The following ANKRD30B variants were observed in gnomAD, a reference collection of about 807,000 sequenced individuals.
ANKRD30B encodes the protein ankyrin repeat domain 30B.
Under a neutral mutation model 202.2 loss-of-function variants are expected in ANKRD30B, and 144 were observed. The ratio of observed to expected loss-of-function variants is 0.71; its 90% CI spans 0.62 to 0.82. ANKRD30B has a LOEUF of 0.82. Ranked by LOEUF, ANKRD30B falls within the 40% of genes least tolerant of loss-of-function variation. The probability of loss-of-function intolerance (pLI) is 0.00; values close to 1 mark genes in which losing one functional copy is unlikely to be tolerated. For missense variants in ANKRD30B, 1,487 were observed against 1,669.1 expected (o/e 0.89, Z 1.90); for synonymous variants, 508 against 561.3 (o/e 0.91, Z 1.34).
At chr18:14,899,725 A>G in the ANKRD30B span, among the ~76,000 whole-genome samples, 1 of 152,174 alleles carries the variant, frequency 6.6e-6, no homozygotes, top group Non-Finnish European at 1.5e-5. Flanking sequence ...ATTATCTAAA[A>G]GTTAACTGTA....
chr18:14,936,546 G>A, the ANKRD30B span, among the ~76,000 whole-genome samples: 1 of 152,068 alleles, frequency 6.6e-6, no homozygotes, highest in East Asian at 1.9e-4. Context: ...GGGTAGGGAG[G>A]GATGTGAAAC....
chr18:14,913,636 C>T, the ANKRD30B span, among the ~76,000 whole-genome samples: 1 of 152,168 alleles, frequency 6.6e-6, no homozygotes, highest in Non-Finnish European at 1.5e-5. Context: ...TACATATACA[C>T]ACCTTCCCAA....
intron 30 of ANKRD30B, among the ~76,000 whole-genome samples, chr18:14,815,549 G>C (rs183753958): frequency 1.9e-3 from 295 of 152,168 alleles, no homozygotes; most frequent in African/African-American, 6.8e-3. Flanking sequence ...TTTCATGGGA[G>C]AAATGTGGAA....
intron 7 of ANKRD30B, among the ~76,000 whole-genome samples, chr18:14,766,560 C>G (rs1258643021): frequency 1.3e-5 from 2 of 148,770 alleles, no homozygotes; most frequent in Non-Finnish European, 3.0e-5. Flanking sequence ...AGTCATGGGA[C>G]AGACCAACCA....
At chr18:14,934,888 A>G in the ANKRD30B span, among the ~76,000 whole-genome samples, 1 of 148,028 alleles carries the variant, frequency 6.8e-6, no homozygotes. Context: ...CAGGTAGCCC[A>G]GCACATCCTC....
At chr18:14,856,376 C>T (rs1972107158), downstream of ANKRD30B, among the ~76,000 whole-genome samples, 1 of 137,974 alleles carries the variant, frequency 7.2e-6, no homozygotes, top group African/African-American at 2.6e-5. Flanking sequence ...TCCTCACCTC[C>T]CAGATGGGGA....
At chr18:14,791,676 T>C (rs1303503524) in intron 16 of ANKRD30B, among the ~76,000 whole-genome samples, 185 bp downstream of exon 16, 1 of 152,082 alleles carries the variant, frequency 6.6e-6, no homozygotes, top group African/African-American at 2.4e-5. Flanking sequence ...TTGAGAGTGC[T>C]GAAAAGGAAC....
At chr18:14,784,657 C>T in intron 14 of ANKRD30B, 122 bp downstream of exon 14, 2 of 1,076,054 alleles carry the variant, frequency 1.9e-6, no homozygotes, top group Non-Finnish European at 2.6e-6. Flanking sequence ...CTAGATAATG[C>T]CAATACTGGT....
Position 14,833,051 on chromosome 18 carries a change from G to A in ANKRD30B, c.2847+1596G>A, listed in dbSNP as rs187666081. On this transcript the variant is annotated intron_variant, in intron 34 of 43. Coordinates refer to ENST00000690538, the MANE Select transcript of ANKRD30B (RefSeq NM_001367607.2). ...TTCTTGGTTCAAGTAATTCTCCTGC[G>A]TCAGCCTCCTGTGTAGCTGGGACAG... Among the ~76,000 whole-genome samples, 753 of 151,142 alleles carry A rather than the reference G, an allele frequency of 5.0e-3. 7 individuals carry two copies. The highest frequency in any genetic ancestry group is 0.024 in the Middle Eastern group (7 of 294).
chr18:14,871,578 G>T, the ANKRD30B span, among the ~76,000 whole-genome samples: 1 of 151,948 alleles, frequency 6.6e-6, no homozygotes, highest in South Asian at 2.1e-4. Flanking sequence ...CAGATGCTGA[G>T]ATGGGGTTAG....
At chr18:14,939,250 A>G in the ANKRD30B span, among the ~76,000 whole-genome samples, 1 of 152,036 alleles carries the variant, frequency 6.6e-6, no homozygotes, top group South Asian at 2.1e-4. Context: ...CATCATCCCC[A>G]CCAGTCCTTT....
chr18:14,824,550 G>T (rs530289962), intron 32 of ANKRD30B, among the ~76,000 whole-genome samples: 1 of 151,982 alleles, frequency 6.6e-6, no homozygotes, highest in African/African-American at 2.4e-5. Context: ...TTAGAATAAT[G>T]ATTTCTCATT....
the ANKRD30B span, among the ~76,000 whole-genome samples, chr18:14,870,154 T>A: frequency 2.0e-5 from 3 of 152,230 alleles, no homozygotes; most frequent in East Asian, 5.8e-4. Context: ...TTAGATACAG[T>A]GTCTTCCTCT....
intron 22 of ANKRD30B, among the ~76,000 whole-genome samples, chr18:14,799,535 T>C (rs1343876466): frequency 5.9e-5 from 9 of 152,132 alleles, no homozygotes; most frequent in Non-Finnish European, 1.0e-4. Context: ...CCCGATAGTA[T>C]AAAGTTTCCA....
intron 34 of ANKRD30B, among the ~76,000 whole-genome samples, chr18:14,832,243 T>G (rs1970983894): frequency 6.6e-6 from 1 of 152,194 alleles, no homozygotes; most frequent in African/African-American, 2.4e-5. Flanking sequence ...ATTCTCTTTC[T>G]CAGAATCTGT....
intron 30 of ANKRD30B, among the ~76,000 whole-genome samples, chr18:14,821,396 C>T (rs1177085828): frequency 3.9e-5 from 6 of 151,924 alleles, no homozygotes; most frequent in Non-Finnish European, 5.9e-5. Flanking sequence ...TATTTCTTGC[C>T]TTCTACTAGC....
At chr18:14,894,142 G>A in the ANKRD30B span, among the ~76,000 whole-genome samples, 1 of 151,946 alleles carries the variant, frequency 6.6e-6, no homozygotes. Flanking sequence ...ATTGTTTATC[G>A]TCTGGTTCAA....
At chr18:14,917,900 G>C in the ANKRD30B span, among the ~76,000 whole-genome samples, 1 of 152,212 alleles carries the variant, frequency 6.6e-6, no homozygotes, top group Non-Finnish European at 1.5e-5. Context: ...CCCCCAGGGC[G>C]ATGAGCAAGG....
the ANKRD30B span, among the ~76,000 whole-genome samples, chr18:14,940,187 A>C: frequency 6.6e-6 from 1 of 152,178 alleles, no homozygotes; most frequent in South Asian, 2.1e-4. Context: ...CCCAAATCCC[A>C]GCTGAGCTCC....
Sources: gnomAD v4.1 joint callset for allele counts (sites outside exome capture counted in the v4.1 genomes callset) on GRCh38, gnomAD v4.1.1 for gene constraint, MANE v1.5 for transcripts, NCBI Gene and HGNC (gene_info 2026-07-23, HGNC 2026-07-21) for gene names.